The following MDGA2 variants were observed in gnomAD, a reference collection of about 807,000 sequenced individuals.
MDGA2 encodes MAM domain-containing glycosylphosphatidylinositol anchor protein 2.
MDGA2 carries 40 observed loss-of-function variants against 117.8 expected under a neutral mutation model. The ratio of observed to expected loss-of-function variants is 0.34; its 90% CI spans 0.26 to 0.44. The LOEUF (loss-of-function observed/expected upper bound fraction) is 0.44. Among genes scored for constraint, MDGA2 ranks in the 20% least tolerant of loss-of-function variants. The pLI is 1.00. For synonymous variants in MDGA2, 452 were observed against 439.0 expected (o/e 1.03, Z -0.37); for missense variants, 1,123 against 1,250.6 (o/e 0.90, Z 1.54).
intron 1 of MDGA2, among the ~76,000 whole-genome samples, chr14:47,329,110 A>G (rs908326973): frequency 2.0e-5 from 3 of 152,054 alleles, no homozygotes; most frequent in African/African-American, 7.2e-5. Flanking sequence ...ATACATATAT[A>G]TAGTAGAGAT....
At chr14:47,462,078 CG>C (rs2138593768) in intron 1 of MDGA2, among the ~76,000 whole-genome samples, 1 of 152,244 alleles carries the variant, frequency 6.6e-6, no homozygotes, top group Non-Finnish European at 1.5e-5. Flanking sequence ...TAATTGCTTT[CG>C]TACCTTTAAA....
intron 3 of MDGA2, among the ~76,000 whole-genome samples, chr14:47,160,057 G>A (rs890358042): frequency 1.3e-5 from 2 of 152,004 alleles, no homozygotes; most frequent in African/African-American, 2.4e-5. Flanking sequence ...GTCACTTCGA[G>A]GTCTAATTTT....
At chr14:47,607,557 G>T (rs1208947388) in intron 1 of MDGA2, among the ~76,000 whole-genome samples, 1 of 152,120 alleles carries the variant, frequency 6.6e-6, no homozygotes, top group Non-Finnish European at 1.5e-5. Context: ...GGACACCAAA[G>T]ATCAATGGCA....
chr14:47,295,980 A>AGATAGATGGATG (rs58307199), intron 2 of MDGA2, among the ~76,000 whole-genome samples: 1 of 148,784 alleles, frequency 6.7e-6, no homozygotes, highest in East Asian at 2.0e-4. Context: ...ATAGATAGAT[A>AGATAGATGGATG]TAGTAAAGCT....
chr14:47,040,921 G>T (rs1889042441), intron 7 of MDGA2, among the ~76,000 whole-genome samples: 1 of 152,106 alleles, frequency 6.6e-6, no homozygotes, highest in African/African-American at 2.4e-5. Flanking sequence ...TAAGAAAGTT[G>T]TGAAACAATT....
intron 8 of MDGA2, among the ~76,000 whole-genome samples, chr14:46,964,934 T>G (rs1382614771): frequency 2.4e-5 from 3 of 123,846 alleles, no homozygotes; most frequent in African/African-American, 7.6e-5. Flanking sequence ...TTTTTTTTTT[T>G]TTTTTTTGAG....
intron 1 of MDGA2, among the ~76,000 whole-genome samples, chr14:47,566,383 C>T (rs1004618140): frequency 1.9e-4 from 29 of 152,252 alleles, no homozygotes; most frequent in African/African-American, 6.3e-4. Flanking sequence ...TCAGACTGGC[C>T]CTGTCTCACA....
At position 46,855,971 on chromosome 14, in the gene MDGA2, T is replaced by G. The variant is rs1438726935; in HGVS notation, c.2753-817A>C. ...ATTTGATATCTCTCTTTCAATAGTT[T>G]AATGTGCTGTACACAGTAATGATAT... On this transcript the variant is annotated intron_variant, in intron 14 of 16. Coordinates refer to ENST00000399232, the MANE Select transcript of MDGA2 (RefSeq NM_001113498.3). This position sits in a 1 kb window ranked among gnomAD's most constrained non-coding sequence, Gnocchi z 4.1. Among the ~76,000 whole-genome samples, 1 of 152,144 alleles carries G rather than the reference T, an allele frequency of 6.6e-6. No individual in the cohort carries two copies. Among genetic ancestry groups the G allele is most frequent in the Non-Finnish European group, 1.5e-5 (1 of 67,996 alleles).
intron 2 of MDGA2, among the ~76,000 whole-genome samples, chr14:47,273,110 T>C (rs1471013303): frequency 6.6e-6 from 1 of 152,158 alleles, no homozygotes; most frequent in Non-Finnish European, 1.5e-5. Flanking sequence ...CTGACTTATA[T>C]ACTGGATTTT....
At chr14:47,000,750 G>A (rs1466742794) in intron 8 of MDGA2, among the ~76,000 whole-genome samples, 3 of 151,666 alleles carry the variant, frequency 2.0e-5, no homozygotes, top group African/African-American at 7.3e-5. Flanking sequence ...ATTCATAATC[G>A]TGGTGTTTTA....
intron 1 of MDGA2, among the ~76,000 whole-genome samples, chr14:47,590,544 T>A (rs1896417144): frequency 6.6e-6 from 1 of 151,936 alleles, no homozygotes; most frequent in African/African-American, 2.4e-5. Flanking sequence ...TAAATTTAAT[T>A]ATTAAAATAC....
At chr14:47,107,440 GCT>G (rs921442701) in intron 5 of MDGA2, among the ~76,000 whole-genome samples, 2 of 151,998 alleles carry the variant, frequency 1.3e-5, no homozygotes, top group African/African-American at 4.8e-5. Context: ...TCTCAAACAT[GCT>G]TTCTTTACTA....
At chr14:47,621,390 C>T (rs1897047597) in intron 1 of MDGA2, among the ~76,000 whole-genome samples, 1 of 151,864 alleles carries the variant, frequency 6.6e-6, no homozygotes, top group South Asian at 2.1e-4. Flanking sequence ...TGGACTTGCT[C>T]TATTGCCCAG....
intron 6 of MDGA2, among the ~76,000 whole-genome samples, chr14:47,094,966 A>G (rs182659453): frequency 1.6e-4 from 24 of 152,172 alleles, no homozygotes; most frequent in Admixed American, 3.9e-4. Flanking sequence ...GGATACTTCC[A>G]TTGTGAATTC....
chr14:46,852,967 G>A (rs754357540), intron 15 of MDGA2, among the ~76,000 whole-genome samples: 7 of 151,726 alleles, frequency 4.6e-5, no homozygotes, highest in Non-Finnish European at 7.4e-5. Context: ...AAAAAATAAC[G>A]AAAACAGTGA....
rs1166565275 is a variant in MDGA2 at position 47,180,020 on chromosome 14, TTAACTTTTA to T, written c.596-35755_596-35747del. ...CATTATTTTATTCTTATTCTATTCT[TTAACTTTTA>T]TTTTAAACTTTTATTTTGAGTTCAG... On this transcript the variant is annotated intron_variant, in intron 3 of 16. Coordinates refer to ENST00000399232, the MANE Select transcript of MDGA2 (RefSeq NM_001113498.3). 2.8e-5 allele frequency among the ~76,000 whole-genome samples: 4 copies of T among 142,132 alleles called. No homozygotes were observed. The South Asian group carries it at 8.9e-4, about 32-fold the overall frequency. 93.2% of individuals were successfully genotyped at this position (142,132 alleles called of 152,430 possible).
intron 1 of MDGA2, among the ~76,000 whole-genome samples, chr14:47,642,466 G>C (rs543356391): frequency 1.3e-5 from 2 of 152,096 alleles, no homozygotes; most frequent in East Asian, 1.9e-4. Flanking sequence ...AGAGGGCTTC[G>C]AGAGAGCTTT....
intron 1 of MDGA2, among the ~76,000 whole-genome samples, chr14:47,459,202 G>A (rs766912817): frequency 5.9e-5 from 9 of 151,730 alleles, no homozygotes; most frequent in Non-Finnish European, 1.2e-4. Flanking sequence ...ACTGATGATG[G>A]GTGAAAGGAA....
At chr14:47,426,472 T>C (rs1324438276) in intron 1 of MDGA2, among the ~76,000 whole-genome samples, 1 of 151,992 alleles carries the variant, frequency 6.6e-6, no homozygotes, top group Non-Finnish European at 1.5e-5. Flanking sequence ...TGGGTATAAC[T>C]GTTCGTTTAA....
Sources: gnomAD v4.1 joint callset for allele counts (sites outside exome capture counted in the v4.1 genomes callset) on GRCh38, gnomAD v4.1.1 for gene constraint, Gnocchi (gnomAD v3.1) non-coding constraint, MANE v1.5 for transcripts, NCBI Gene and HGNC (gene_info 2026-07-23, HGNC 2026-07-21) for gene names.